ACKR2: variants seen among roughly 807,000 people sequenced by gnomAD.
ACKR2 encodes the protein C-C chemokine receptor D6.
For synonymous variants in ACKR2, 207 were observed against 192.2 expected, an observed-to-expected ratio of 1.08 and a Z score of -0.64; for missense variants, 457 against 477.3, an observed-to-expected ratio of 0.96 and a Z score of 0.40.
At chr3:42,854,651 A>G (rs563321788) in intron 2 of ACKR2, among the ~76,000 whole-genome samples, 2 of 152,266 alleles carry the variant, frequency 1.3e-5, no homozygotes, top group East Asian at 3.9e-4. Flanking sequence ...TCCCAGGACT[A>G]TGGTGAAGAT....
At position 42,865,243 on chromosome 3, in the gene ACKR2, G is replaced by A. The variant is rs2088423957; in HGVS notation, c.741G>A (p.Arg247=). Residue 247 remains arginine (R), a synonymous_variant, in exon 3 of 3, where the codon CGG becomes CGA. Transcript: ENST00000422265. ...LVRLRPAGQG[R]ALKIAAALVV... is the part of the protein sequence containing the mutation. ...GGCTGAGGCCCGCAGGCCAGGGCCGGGCTTTAAAAATAGCTGCAGCCTTGG... is the reference window on the plus strand; with the variant it reads ...GGCTGAGGCCCGCAGGCCAGGGCCGAGCTTTAAAAATAGCTGCAGCCTTGG... The A allele has an allele frequency of 5.0e-6, 8 of 1,614,180 alleles. No homozygotes were observed. The highest frequency in any genetic ancestry group is 6.8e-6 in the Non-Finnish European group (8 of 1,180,038).
intron 2 of ACKR2, chr3:42,835,168 C>A (rs1700974613): frequency 6.6e-6 from 1 of 151,024 alleles, no homozygotes; most frequent in South Asian, 2.1e-4. Context: ...CATGAGCCAG[C>A]ACGATCGGCC....
intron 2 of ACKR2, among the ~76,000 whole-genome samples, chr3:42,860,183 A>C (rs1379311616): frequency 6.9e-6 from 1 of 145,012 alleles, no homozygotes; most frequent in Non-Finnish European, 1.5e-5. Flanking sequence ...AAAAAAAAAA[A>C]AAAAAAGCAG....
At chr3:42,849,224 G>A (rs926732293) in intron 2 of ACKR2, among the ~76,000 whole-genome samples, 6 of 152,126 alleles carry the variant, frequency 3.9e-5, no homozygotes, top group African/African-American at 1.4e-4. Flanking sequence ...CTTAGAGGCC[G>A]GCTGCTGTGG....
rs749020788 is a variant in ACKR2 at position 42,865,504 on chromosome 3, C to T, written c.1002C>T (p.His334=). The change falls in exon 3 of 3, where the codon CAC becomes CAT. Residue 334 remains histidine, a synonymous_variant. Transcript: ENST00000422265. ...TCCTGGCTGCCGTGCTTGGATGGCA[C>T]CTGGCACCTGGCACTGCCCAGGCCT... is the stretch of plus-strand genomic sequence containing the variant. ...KAFLAAVLGW[H]LAPGTAQASL... 2.5e-5 allele frequency: 41 copies of T among 1,612,404 alleles called. No individual in the cohort carries two copies. Among genetic ancestry groups the T allele is most frequent in the East Asian group, 1.6e-4 (7 of 44,878 alleles).
rs545834112 is a variant in ACKR2, at chr3:42,858,630, A to G, written c.-37-5836A>G. On this transcript the variant is annotated intron_variant, in intron 2 of 2. Coordinates refer to ENST00000422265, the MANE Select transcript of ACKR2 (RefSeq NM_001296.5). ...AACACCTCTTCTCCTCCAAATGATC[A>G]CAACTCCTTGCAGGCAAGGGAACAA... is the stretch of plus-strand genomic sequence containing the variant. Among the ~76,000 whole-genome samples the G allele has an allele frequency of 1.6e-3, 209 of 126,902 alleles. 1 individual carries two copies. Among genetic ancestry groups the G allele is most frequent in the Non-Finnish European group, 2.8e-3 (163 of 57,900 alleles). The allele number at this position is 126,902 out of a possible 152,430, so 83.3% of individuals were successfully genotyped here.
intron 1 of ACKR2, among the ~76,000 whole-genome samples, chr3:42,817,857 A>G (rs1290470937): frequency 1.3e-5 from 2 of 152,152 alleles, no homozygotes. Context: ...TGACATTATG[A>G]ATCTTCCATT....
Position 42,838,749 on chromosome 3 carries a change from G to A in ACKR2, c.-38+19038G>A, listed in dbSNP as rs888463921. Among the ~76,000 whole-genome samples, 12 of 152,276 alleles carry A rather than the reference G, an allele frequency of 7.9e-5. No homozygotes were observed. In the South Asian group the frequency reaches 1.0e-3, roughly 13 times the overall value. On this transcript the variant is annotated intron_variant, in intron 2 of 2. Transcript: ENST00000422265. ...CCTATGTTCACACAAAGATCTGCAC[G>A]TGAATGTTTGTGGCAGATTTATTTG...
At chr3:42,824,952 G>A (rs1700847357) in intron 2 of ACKR2, among the ~76,000 whole-genome samples, 1 of 152,132 alleles carries the variant, frequency 6.6e-6, no homozygotes, top group Non-Finnish European at 1.5e-5. Context: ...GAGGGTTCCA[G>A]TTTCTCCATG....
At chr3:42,848,700 C>CA (rs1280018783) in intron 2 of ACKR2, among the ~76,000 whole-genome samples, 2 of 151,886 alleles carry the variant, frequency 1.3e-5, no homozygotes, top group African/African-American at 2.4e-5. Context: ...TGTGTAGTCT[C>CA]AAAGTAGCAA....
At chr3:42,834,597 G>A (rs538074217) in intron 2 of ACKR2, 4 of 151,688 alleles carry the variant, frequency 2.6e-5, no homozygotes, top group Middle Eastern at 3.4e-3. Context: ...TACTTATTTT[G>A]AGATGGAGTC....
At chr3:42,831,118 C>T (rs1003051682) in intron 2 of ACKR2, among the ~76,000 whole-genome samples, 17 of 151,898 alleles carry the variant, frequency 1.1e-4, no homozygotes, top group African/African-American at 3.9e-4. Flanking sequence ...TGTGAGAAGA[C>T]GAGGCTTAAA....
At chr3:42,834,733 A>G (rs1700969722) in intron 2 of ACKR2, 1 of 151,858 alleles carries the variant, frequency 6.6e-6, no homozygotes, top group Admixed American at 6.6e-5. Context: ...GCGCACCACC[A>G]TGCCCAGCTA....
At chr3:42,830,830 C>A (rs1359898713) in intron 2 of ACKR2, among the ~76,000 whole-genome samples, 1 of 151,938 alleles carries the variant, frequency 6.6e-6, no homozygotes, top group Non-Finnish European at 1.5e-5. Flanking sequence ...CATTCTATAT[C>A]CCCTTAGGCT....
In ACKR2 at chr3:42,860,189, A is replaced by AAAAAAAAAAAAAAAAAAAAAAAC. The variant is rs376833790; in HGVS notation, c.-37-4277_-37-4276insAAAAAAAAAAAAAAAAAAAAAAC. The stretch of plus-strand genomic sequence containing the variant: ...CAAAAAAAAAAAAAAAAAAAAAAAA[A>AAAAAAAAAAAAAAAAAAAAAAAC]GCAGGGGATGCAATCCTAGTCTCTG... On this transcript the variant is annotated intron_variant, in intron 2 of 2. Transcript: ENST00000422265. Among the ~76,000 whole-genome samples the AAAAAAAAAAAAAAAAAAAAAAAC allele has an allele frequency of 4.5e-4, 50 of 111,628 alleles. 6 individuals carry two copies. Among genetic ancestry groups the AAAAAAAAAAAAAAAAAAAAAAAC allele is most frequent in the East Asian group, 7.5e-4 (2 of 2,678 alleles). The allele number at this position is 111,628 out of a possible 152,430, so 73.2% of individuals were successfully genotyped here.
chr3:42,836,249 A>C (rs1480731680), intron 2 of ACKR2, among the ~76,000 whole-genome samples: 1 of 152,240 alleles, frequency 6.6e-6, no homozygotes, highest in Non-Finnish European at 1.5e-5. Flanking sequence ...GCAAAACTAA[A>C]TAAAACTTTG....
At chr3:42,812,680 CTTTTTTTT>C (rs71616070) in intron 1 of ACKR2, among the ~76,000 whole-genome samples, 3 of 72,758 alleles carry the variant, frequency 4.1e-5, no homozygotes, top group Non-Finnish European at 7.1e-5. Context: ...AATTTTCAGC[CTTTTTTTT>C]TTTTTTTTTT....
At chr3:42,822,197 A>C in intron 2 of ACKR2, among the ~76,000 whole-genome samples, 1 of 151,910 alleles carries the variant, frequency 6.6e-6, no homozygotes, top group African/African-American at 2.4e-5. Context: ...TAAATAAATA[A>C]AATATGGAAA....
Position 42,865,910 on chromosome 3 carries a change from C to T in ACKR2, c.*253C>T, listed in dbSNP as rs1429038411. On this transcript the variant is annotated 3_prime_UTR_variant, in exon 3 of 3. Transcript: ENST00000422265. ...TCCTTCCTTGCTTCCTTCCTTCCTT[C>T]CTTCCCTCTCTCCCTCCCTCCCTCC... 1 of 457,166 alleles carries T rather than the reference C, an allele frequency of 2.2e-6. No individual in the cohort carries two copies. The highest frequency in any genetic ancestry group is 2.0e-5 in the African/African-American group (1 of 50,310). The allele number at this position is 457,166 out of a possible 1,614,324, so 28.3% of individuals were successfully genotyped here.
Sources: gnomAD v4.1 joint callset for allele counts (sites outside exome capture counted in the v4.1 genomes callset) on GRCh38, gnomAD v4.1.1 for gene constraint, MANE v1.5 for transcripts, NCBI Gene and HGNC (gene_info 2026-07-23, HGNC 2026-07-21) for gene names.